DAPK2: variants seen among roughly 807,000 people sequenced by gnomAD.
DAPK2 encodes the protein death-associated protein kinase 2.
In DAPK2, 35 loss-of-function variants were observed where a neutral mutation model predicts 44.1. That is an observed-to-expected ratio of 0.79 (90% confidence interval 0.61 to 1.05). The LOEUF (loss-of-function observed/expected upper bound fraction) is 1.05, where lower values mean the gene tolerates loss of function less well. DAPK2 is among the 50% of genes least tolerant of loss of function. The pLI is 0.00. For missense variants in DAPK2, 453 were observed against 483.2 expected, an observed-to-expected ratio of 0.94 and a Z score of 0.59; for synonymous variants, 174 against 182.6, an observed-to-expected ratio of 0.95 and a Z score of 0.38.
intron 1 of DAPK2, among the ~76,000 whole-genome samples, chr15:64,002,959 T>TGGGAC (rs1567266523): frequency 1.3e-4 from 13 of 103,178 alleles, no homozygotes; most frequent in African/African-American, 4.4e-4. Context: ...TGTGTGTGTG[T>TGGGAC]GTGTGTCGTG....
chr15:64,001,080 A>C (rs1184567491), intron 1 of DAPK2, among the ~76,000 whole-genome samples: 2 of 151,844 alleles, frequency 1.3e-5, no homozygotes, highest in Non-Finnish European at 2.9e-5. Context: ...GGGTTTCACC[A>C]TGTTGGCCAG....
rs369063662 is a variant in DAPK2 at position 63,908,624 on chromosome 15, G to T, written c.1033-24C>A. On this transcript the variant is annotated intron_variant, in intron 10 of 10. Transcript: ENST00000261891. The surrounding 1 kb of genome is among the most constrained non-coding windows in gnomAD (Gnocchi z 5.7). ...CTCTGGAGAAAAAAAAGAGAAAGAGGTCCAGGGCAGGAGGATCATGAGACG... is the reference window on the plus strand; with the variant it reads ...CTCTGGAGAAAAAAAAGAGAAAGAGTTCCAGGGCAGGAGGATCATGAGACG... 1.0e-5 allele frequency: 16 copies of T among 1,564,522 alleles called. No individual in the cohort carries two copies. The highest frequency in any genetic ancestry group is 1.4e-5 in the Non-Finnish European group (16 of 1,157,566).
At chr15:63,987,003 T>C (rs544309210) in intron 1 of DAPK2, among the ~76,000 whole-genome samples, 3 of 152,290 alleles carry the variant, frequency 2.0e-5, no homozygotes, top group African/African-American at 7.2e-5. Context: ...AGAAAGGGAA[T>C]CAGAGGGGAG....
Position 64,006,786 on chromosome 15 carries a change from T to G in DAPK2, c.93-23032A>C, listed in dbSNP as rs151330057. On this transcript the variant is annotated intron_variant, in intron 1 of 10. Transcript: ENST00000261891. Reference sequence around the variant, plus strand: ...TCTTCCCTTCTCACCCTGCCTCATGTGTCAGACAACTCATCCTTGGTGCCT... The same window carrying G: ...TCTTCCCTTCTCACCCTGCCTCATGGGTCAGACAACTCATCCTTGGTGCCT... 4.9e-4 allele frequency among the ~76,000 whole-genome samples: 75 copies of G among 152,274 alleles called. 1 individual carries two copies. The East Asian group carries it at 0.014, about 29-fold the overall frequency.
At chr15:64,001,883 T>C (rs2079094271) in intron 1 of DAPK2, among the ~76,000 whole-genome samples, 6 of 152,190 alleles carry the variant, frequency 3.9e-5, no homozygotes, top group Admixed American at 3.9e-4. Flanking sequence ...GGCACCCCAA[T>C]ATTCATGCCA....
rs2079639405 is a variant in DAPK2 at position 64,020,007 on chromosome 15, C to A, written c.92+20163G>T. 6.6e-6 allele frequency among the ~76,000 whole-genome samples: 1 copy of A among 152,192 alleles called. No individual in the cohort carries two copies. Among genetic ancestry groups the A allele is most frequent in the African/African-American group, 2.4e-5 (1 of 41,440 alleles). On this transcript the variant is annotated intron_variant, in intron 1 of 10. Transcript: ENST00000261891. The surrounding 1 kb of genome is among the most constrained non-coding windows in gnomAD (Gnocchi z 4.5). The stretch of plus-strand genomic sequence containing the variant: ...CACTGGTCACAGACTTGGTGCCAAA[C>A]CACTGTGTCTAATCTCAGCAGAAGC...
intron 1 of DAPK2, among the ~76,000 whole-genome samples, chr15:63,998,537 TAC>T (rs2079006507): frequency 6.6e-6 from 1 of 152,178 alleles, no homozygotes; most frequent in South Asian, 2.1e-4. Flanking sequence ...GCCTCCTCTA[TAC>T]ACAGAGAAGG....
At chr15:63,915,836 C>T (rs775180551) in intron 8 of DAPK2, among the ~76,000 whole-genome samples, 1 of 152,238 alleles carries the variant, frequency 6.6e-6, no homozygotes. Flanking sequence ...CCCCACCAAA[C>T]GCTGATGCTG....
chr15:64,016,886 AG>A (rs1567275787), intron 1 of DAPK2, among the ~76,000 whole-genome samples: 2 of 139,028 alleles, frequency 1.4e-5, no homozygotes, highest in African/African-American at 2.7e-5. Flanking sequence ...GAAGGAAGGA[AG>A]GAAGGAAGGA....
intron 1 of DAPK2, among the ~76,000 whole-genome samples, chr15:63,994,470 C>T (rs1047723342): frequency 8.2e-5 from 12 of 146,714 alleles, no homozygotes; most frequent in African/African-American, 2.3e-4. Context: ...AGGAAGGAAA[C>T]GCACAAAAAG....
At chr15:63,946,909 C>T (rs1012573681) in intron 3 of DAPK2, among the ~76,000 whole-genome samples, 2 of 152,206 alleles carry the variant, frequency 1.3e-5, no homozygotes, top group African/African-American at 4.8e-5. Context: ...AGGAAGGCCG[C>T]TCCATGCTAG....
At chr15:63,996,573 C>T (rs1389808658) in intron 1 of DAPK2, among the ~76,000 whole-genome samples, 3 of 152,180 alleles carry the variant, frequency 2.0e-5, no homozygotes, top group Admixed American at 1.3e-4. Context: ...TTTCTATGTG[C>T]CTCTCATCAT....
rs768253255 is a variant in DAPK2, at chr15:63,926,721, G to A, written c.660-628C>T. ...GTTGTTCATGGGATGCCTTGGTAGA[G>A]GTATGATCCAGCAGTGTCTGGATCA... On this transcript the variant is annotated intron_variant, in intron 6 of 10. Transcript: ENST00000261891. Among the ~76,000 whole-genome samples the A allele has an allele frequency of 2.6e-4, 40 of 152,130 alleles. 1 individual carries two copies. Among genetic ancestry groups the A allele is most frequent in the Non-Finnish European group, 5.1e-4 (35 of 68,026 alleles).
chr15:64,046,407 G>GGCACGGC, upstream of DAPK2: 109 of 361,578 alleles, frequency 3.0e-4, no homozygotes, highest in South Asian at 8.1e-4. The surrounding 1 kb of genome is among the most constrained non-coding windows in gnomAD (Gnocchi z 5.3). Flanking sequence ...GGACGCGGCG[G>GGCACGGC]GGTGCGCTGG....
chr15:63,926,587 G>T (rs757904632), intron 6 of DAPK2, among the ~76,000 whole-genome samples: 10 of 152,008 alleles, frequency 6.6e-5, no homozygotes, highest in Non-Finnish European at 1.5e-4. Flanking sequence ...TTTGGAAATA[G>T]ATGGGCCATT....
Position 63,930,360 on chromosome 15 carries a change from G to A in DAPK2, c.632+47C>T, listed in dbSNP as rs8043452. 6.1e-3 allele frequency: 9,601 copies of A among 1,586,272 alleles called. 521 individuals carry two copies. In the African/African-American group the frequency reaches 0.11, roughly 19 times the overall value. On this transcript the variant is annotated intron_variant, in intron 5 of 10. Transcript: ENST00000261891. ...CCTGGAGCAGGATCTGAGGCCTTCC[G>A]CCCTTGGAAGGATCGCTAGGTCACC...
intron 1 of DAPK2, among the ~76,000 whole-genome samples, chr15:64,007,567 C>G (rs566755345): frequency 1.0e-3 from 156 of 152,334 alleles, no homozygotes; most frequent in African/African-American, 3.6e-3. Flanking sequence ...CAGGCTTACT[C>G]TGCACAGGAG....
chr15:64,038,815 T>C (rs976982537), intron 1 of DAPK2, among the ~76,000 whole-genome samples: 1 of 152,174 alleles, frequency 6.6e-6, no homozygotes, highest in African/African-American at 2.4e-5. Flanking sequence ...CCCACATCCC[T>C]AAGCTAAAGG....
chr15:63,908,911 C>T lies in DAPK2; in HGVS notation c.1033-311G>A. On this transcript the variant is annotated intron_variant, in intron 10 of 10. Coordinates refer to ENST00000261891, the Ensembl canonical transcript of DAPK2. The surrounding 1 kb of genome is among the most constrained non-coding windows in gnomAD (Gnocchi z 5.7). ...TTTGTGGCTGCCATATAATCAAGGC[C>T]ACTTGGCTGGGTGGTCTGTGGCTGC... The T allele has an allele frequency of 5.5e-6, 1 of 181,172 alleles. No homozygotes were observed. The highest frequency in any genetic ancestry group is 1.2e-5 in the Non-Finnish European group (1 of 86,654). The allele number at this position is 181,172 out of a possible 1,614,324, so 11.2% of individuals were successfully genotyped here. A position where few individuals can be genotyped will look rare whatever the true frequency, so the allele number is the denominator to read the frequency against.
Sources: allele counts gnomAD v4.1 joint callset (sites outside exome capture counted in the v4.1 genomes callset), GRCh38; gene constraint gnomAD v4.1.1; non-coding constraint Gnocchi (gnomAD v3.1); transcripts MANE v1.5; gene names NCBI Gene and HGNC (gene_info 2026-07-23, HGNC 2026-07-21).